Variants in TARBP1 observed in about 807,000 individuals in gnomAD.
TARBP1 encodes tRNA guanosine 2 -O-methyltransferase TARBP1, also known as tRNA (guanosine(18)-2'-O)-methyltransferase TARBP1.
Under a neutral mutation model 178.6 loss-of-function variants are expected in TARBP1, and 144 were observed. The observed-to-expected ratio is 0.81, with a 90% CI of 0.70 to 0.93. The LOEUF (loss-of-function observed/expected upper bound fraction) is 0.93. Ranked by LOEUF, TARBP1 falls within the 40% of genes least tolerant of loss-of-function variation. TARBP1 has a pLI of 0.00. For missense variants in TARBP1, 2,067 were observed against 2,011.7 expected, an observed-to-expected ratio of 1.03 and a Z score of -0.53; for synonymous variants, 787 against 781.0, an observed-to-expected ratio of 1.01 and a Z score of -0.13.
intron 12 of TARBP1, among the ~76,000 whole-genome samples, chr1:234,439,853 T>C (rs531598798): frequency 1.3e-5 from 2 of 152,118 alleles, no homozygotes; most frequent in South Asian, 2.1e-4. Flanking sequence ...AAGGAATAAA[T>C]AGAAAATCAG....
At chr1:234,468,061 G>T (rs148947280) in intron 3 of TARBP1, among the ~76,000 whole-genome samples, 2 of 152,168 alleles carry the variant, frequency 1.3e-5, no homozygotes, top group African/African-American at 4.8e-5. Flanking sequence ...TTACAGGTAT[G>T]AGCCACCGCA....
At chr1:234,471,341 T>C (rs1184219451) in intron 2 of TARBP1, 84 bp from the exon 3 acceptor site, 1 of 848,724 alleles carries the variant, frequency 1.2e-6, no homozygotes, top group Non-Finnish European at 1.9e-6. Flanking sequence ...TATTTCACAG[T>C]AGCTCTTCTG....
chr1:234,460,994 T>G (rs1057444045), intron 6 of TARBP1, among the ~76,000 whole-genome samples: 1 of 152,176 alleles, frequency 6.6e-6, no homozygotes, highest in African/African-American at 2.4e-5. Flanking sequence ...TGCAAATCTA[T>G]AGAGACAAAG....
chr1:234,398,180 T>A, intron 26 of TARBP1: 3 of 337,172 alleles, frequency 8.9e-6, no homozygotes, highest in Non-Finnish European at 1.0e-5. Flanking sequence ...TTTTTTTAAA[T>A]AGCTTTAAAG....
In TARBP1 at chr1:234,393,354, C is replaced by A; in HGVS notation, c.4560+8G>T. On this transcript the variant is annotated splice_region_variant and intron_variant, in intron 28 of 29. Coordinates refer to ENST00000040877, the MANE Select transcript of TARBP1 (RefSeq NM_005646.4). ...AAGAACTTTAATAATAAATTACTTT[C>A]CACCCACCTCCACTAGAGGAAGCCA... 6.6e-7 allele frequency: 1 copy of A among 1,506,988 alleles called. No individual in the cohort carries two copies. Among genetic ancestry groups the A allele is most frequent in the Non-Finnish European group, 8.9e-7 (1 of 1,120,834 alleles). 93.4% of individuals were successfully genotyped at this position (1,506,988 alleles called of 1,614,324 possible).
intron 21 of TARBP1, among the ~76,000 whole-genome samples, chr1:234,418,968 C>T (rs1005235629): frequency 3.3e-5 from 5 of 152,060 alleles, no homozygotes; most frequent in African/African-American, 9.7e-5. Flanking sequence ...GTCAGAAGAT[C>T]GAGACCATCC....
rs1303264312 is a variant in TARBP1, at chr1:234,418,843, G to A, written c.3556-610C>T. Among the ~76,000 whole-genome samples the A allele has an allele frequency of 2.6e-5, 4 of 152,254 alleles. No individual in the cohort carries two copies. The East Asian group carries it at 7.7e-4, about 29-fold the overall frequency. ...GGGACGGAACCTATCTAAGCAGCAG[G>A]TGAAAAACAATATCTACTTATATAA... On this transcript the variant is annotated intron_variant, in intron 21 of 29. Coordinates refer to ENST00000040877, the MANE Select transcript of TARBP1 (RefSeq NM_005646.4).
chr1:234,469,591 C>A (rs1571875003), intron 3 of TARBP1, among the ~76,000 whole-genome samples: 1 of 152,228 alleles, frequency 6.6e-6, no homozygotes, highest in East Asian at 1.9e-4. Flanking sequence ...CCTAAGGGGT[C>A]AAACTATTAA....
intron 5 of TARBP1, among the ~76,000 whole-genome samples, chr1:234,464,813 A>G (rs533994849): frequency 1.3e-5 from 2 of 152,340 alleles, no homozygotes; most frequent in African/African-American, 4.8e-5. Flanking sequence ...TTCAAGAGCA[A>G]GGGAAATTTT....
At chr1:234,413,186 G>A (rs1280664700) in intron 22 of TARBP1, among the ~76,000 whole-genome samples, 1 of 152,158 alleles carries the variant, frequency 6.6e-6, no homozygotes, top group East Asian at 1.9e-4. Flanking sequence ...GACACCACAA[G>A]GAGCAAAACT....
intron 25 of TARBP1, among the ~76,000 whole-genome samples, chr1:234,399,006 T>C (rs746120381): frequency 7.9e-5 from 12 of 152,348 alleles, no homozygotes; most frequent in Non-Finnish European, 1.8e-4. Flanking sequence ...CTAATATAAT[T>C]AGTTATGTGA....
chr1:234,475,208 G>A (rs1032971995), intron 1 of TARBP1, among the ~76,000 whole-genome samples: 1 of 152,176 alleles, frequency 6.6e-6, no homozygotes, highest in African/African-American at 2.4e-5. Flanking sequence ...TAACTAGAGA[G>A]GCCCAGCCAT....
chr1:234,459,509 T>C (rs922562123), intron 7 of TARBP1, among the ~76,000 whole-genome samples, 183 bp from the exon 8 acceptor site: 3 of 152,148 alleles, frequency 2.0e-5, no homozygotes, highest in African/African-American at 4.8e-5. Context: ...GAAACAAGTC[T>C]CTTTTAAAAA....
intron 11 of TARBP1, among the ~76,000 whole-genome samples, chr1:234,448,096 G>A (rs1193626326): frequency 6.6e-6 from 1 of 152,146 alleles, no homozygotes; most frequent in East Asian, 1.9e-4. Context: ...GCACCACCAC[G>A]CCCGGCTGAT....
Position 234,391,423 on chromosome 1 carries a change from A to G in TARBP1, c.*154T>C. The G allele has an allele frequency of 1.7e-6, 1 of 605,542 alleles. No homozygotes were observed. The highest frequency in any genetic ancestry group is 3.1e-5 in the East Asian group (1 of 32,750). The allele number at this position is 605,542 out of a possible 1,614,324, so 37.5% of individuals were successfully genotyped here. On this transcript the variant is annotated 3_prime_UTR_variant, in exon 30 of 30. Transcript: ENST00000040877. ...TTATTAAAGGGGAAAATATATAGTA[A>G]TATGTTTAAGGCACATGGCAAACTT...
At chr1:234,405,805 A>C in intron 24 of TARBP1, 98 bp downstream of exon 24, 2 of 1,150,644 alleles carry the variant, frequency 1.7e-6, no homozygotes, top group Non-Finnish European at 1.3e-6. Flanking sequence ...CAGCATGAGG[A>C]TGTGGAAGGA....
At chr1:234,392,700 A>G in intron 28 of TARBP1, 148 bp from the exon 29 acceptor site, 1 of 571,034 alleles carries the variant, frequency 1.8e-6, no homozygotes, top group Non-Finnish European at 2.8e-6. Flanking sequence ...CTCTCCCAAC[A>G]TGACATCAAT....
At chr1:234,392,735 G>C (rs1293733551) in intron 28 of TARBP1, 183 bp from the exon 29 acceptor site, 4 of 439,656 alleles carry the variant, frequency 9.1e-6, no homozygotes, top group African/African-American at 8.5e-5. Flanking sequence ...TTTTGAGGTG[G>C]AGTCTTGCTG....
rs143832179 is a variant in TARBP1, at chr1:234,455,713, C to A, written c.1722+1954G>T. ...TGACCAATAGTTTTAATCTTCAAAT[C>A]ACGTAAATTCATTACCCATTCAGCA... On this transcript the variant is annotated intron_variant, in intron 9 of 29. Transcript: ENST00000040877. Among the ~76,000 whole-genome samples the A allele has an allele frequency of 8.9e-3, 1,354 of 152,038 alleles. 23 individuals are homozygous for A. The highest frequency in any genetic ancestry group is 0.031 in the African/African-American group (1,274 of 41,466).
Sources: gnomAD v4.1 joint callset for allele counts (sites outside exome capture counted in the v4.1 genomes callset) on GRCh38, gnomAD v4.1.1 for gene constraint, MANE v1.5 for transcripts, NCBI Gene and HGNC (gene_info 2026-07-23, HGNC 2026-07-21) for gene names.